Variants in ADCY2 observed in about 807,000 individuals in gnomAD.
ADCY2 encodes adenylate cyclase 2.
In ADCY2, 31 loss-of-function variants were observed where a neutral mutation model predicts 125.2. The ratio of observed to expected loss-of-function variants is 0.25; its 90% CI spans 0.19 to 0.33. The LOEUF (loss-of-function observed/expected upper bound fraction) is 0.33. Among genes scored for constraint, ADCY2 ranks in the 10% least tolerant of loss-of-function variants. ADCY2 has a pLI of 1.00. For missense variants in ADCY2, 904 were observed against 1,418.2 expected (o/e 0.64, Z 5.82); for synonymous variants, 512 against 548.4 (o/e 0.93, Z 0.93).
chr5:7,773,442 G>A (rs1007981255), intron 18 of ADCY2, among the ~76,000 whole-genome samples: 3 of 152,120 alleles, frequency 2.0e-5, no homozygotes, highest in Non-Finnish European at 4.4e-5. Context: ...CGTCCTGTGC[G>A]TGGTAGGTAG....
intron 4 of ADCY2, among the ~76,000 whole-genome samples, chr5:7,644,411 G>A (rs759888625): frequency 1.3e-5 from 2 of 151,970 alleles, no homozygotes; most frequent in African/African-American, 4.8e-5. Context: ...TGGAGACACC[G>A]TTTCTATTCC....
chr5:7,693,985 C>T (rs979706891), intron 5 of ADCY2, among the ~76,000 whole-genome samples: 1 of 152,198 alleles, frequency 6.6e-6, no homozygotes, highest in African/African-American at 2.4e-5. Context: ...CACCTGTGAT[C>T]CCTGCCACTA....
intron 1 of ADCY2, among the ~76,000 whole-genome samples, chr5:7,409,971 A>G (rs1378376717): frequency 6.6e-6 from 1 of 152,206 alleles, no homozygotes; most frequent in Non-Finnish European, 1.5e-5. Context: ...CTATCTATTT[A>G]TCTATATACA....
At position 7,827,042 on chromosome 5, in the gene ADCY2, C is replaced by T; in HGVS notation, c.*171C>T. On this transcript the variant is annotated 3_prime_UTR_variant, in exon 25 of 25. Transcript: ENST00000338316. ...TACCGTTTGGTGTCTGATGTGTGCC[C>T]AGATCGTTCTGCCACTTGCACTGTG... The T allele has an allele frequency of 1.3e-6, 1 of 783,646 alleles. No individual in the cohort carries two copies. The highest frequency in any genetic ancestry group is 2.0e-6 in the Non-Finnish European group (1 of 510,396). 48.5% of individuals were successfully genotyped at this position (783,646 alleles called of 1,614,324 possible). A position where few individuals can be genotyped will look rare whatever the true frequency, so the allele number is the denominator to read the frequency against.
intron 3 of ADCY2, among the ~76,000 whole-genome samples, chr5:7,539,059 C>T (rs1446212564): frequency 6.6e-6 from 1 of 151,868 alleles, no homozygotes; most frequent in Non-Finnish European, 1.5e-5. Flanking sequence ...GACAGGGTTT[C>T]ACCATGTTGG....
At chr5:7,414,849 T>A in intron 2 of ADCY2, 79 bp downstream of exon 2, 3 of 1,321,298 alleles carry the variant, frequency 2.3e-6, no homozygotes, top group East Asian at 2.6e-5. Context: ...AACTTGGCCT[T>A]AAACTTTGAA....
At chr5:7,607,955 C>G (rs1017685980) in intron 3 of ADCY2, among the ~76,000 whole-genome samples, 3 of 152,152 alleles carry the variant, frequency 2.0e-5, no homozygotes, top group African/African-American at 7.2e-5. Context: ...CATCCATCCT[C>G]TTGGGAGAGG....
chr5:7,747,760 ATTAC>A (rs1236926903), intron 15 of ADCY2, among the ~76,000 whole-genome samples: 2 of 152,158 alleles, frequency 1.3e-5, no homozygotes, highest in Non-Finnish European at 2.9e-5. Context: ...ATTTTGCGTT[ATTAC>A]TTTTATTCTT....
At chr5:7,469,263 T>G (rs1742242120) in intron 2 of ADCY2, among the ~76,000 whole-genome samples, 1 of 152,040 alleles carries the variant, frequency 6.6e-6, no homozygotes. Flanking sequence ...TAGTTTCTGC[T>G]TTATACAATA....
At chr5:7,744,923 A>G (rs1437536154) in intron 15 of ADCY2, among the ~76,000 whole-genome samples, 4 of 152,228 alleles carry the variant, frequency 2.6e-5, no homozygotes. Flanking sequence ...TCTGCTGGTT[A>G]GACTGTAACA....
At chr5:7,403,392 C>T (rs1338748143) in intron 1 of ADCY2, among the ~76,000 whole-genome samples, 1 of 152,080 alleles carries the variant, frequency 6.6e-6, no homozygotes, top group Non-Finnish European at 1.5e-5. Context: ...TGACTCTTTC[C>T]CATCATTGAC....
rs1278480225 is a variant in ADCY2, at chr5:7,589,502, G to GAA, written c.571-36663_571-36662dup. On this transcript the variant is annotated intron_variant, in intron 3 of 24. Coordinates refer to ENST00000338316, the MANE Select transcript of ADCY2 (RefSeq NM_020546.3). ...AGAAAGAAAGAAAGAAAGAAAGAAA[G>GAA]AAAGAAAGAAAAGAAAAGAAAGAGA... Among the ~76,000 whole-genome samples, 9 of 61,982 alleles carry GAA rather than the reference G, an allele frequency of 1.5e-4. No individual in the cohort carries two copies. The East Asian group carries it at 2.8e-3, about 19-fold the overall frequency. 40.7% of individuals were successfully genotyped at this position (61,982 alleles called of 152,430 possible). A position where few individuals can be genotyped will look rare whatever the true frequency, so the allele number is the denominator to read the frequency against.
At chr5:7,473,033 A>T (rs369493241) in intron 2 of ADCY2, among the ~76,000 whole-genome samples, 5 of 151,300 alleles carry the variant, frequency 3.3e-5, no homozygotes, top group South Asian at 4.2e-4. Flanking sequence ...AGTAATAGGC[A>T]GTCTCTGTGT....
At chr5:7,461,949 A>C (rs748965532) in intron 2 of ADCY2, among the ~76,000 whole-genome samples, 2 of 152,232 alleles carry the variant, frequency 1.3e-5, no homozygotes, top group Non-Finnish European at 1.5e-5. Context: ...AGTTTGCAAC[A>C]TTGTCAGAAT....
intron 2 of ADCY2, among the ~76,000 whole-genome samples, chr5:7,515,329 A>G (rs1349925943): frequency 2.0e-5 from 3 of 152,184 alleles, no homozygotes; most frequent in South Asian, 4.1e-4. Flanking sequence ...TGTTGTATCA[A>G]ACTCTTCAAA....
At chr5:7,408,984 G>A (rs1460462075) in intron 1 of ADCY2, among the ~76,000 whole-genome samples, 2 of 152,166 alleles carry the variant, frequency 1.3e-5, no homozygotes, top group Non-Finnish European at 2.9e-5. Flanking sequence ...CAACCTAAAT[G>A]CCCATCAATG....
intron 2 of ADCY2, among the ~76,000 whole-genome samples, chr5:7,520,362 G>A (rs992141543): frequency 6.6e-5 from 10 of 152,136 alleles, no homozygotes; most frequent in Non-Finnish European, 1.0e-4. Context: ...CGTCCCCGAT[G>A]ATGCCTGTCC....
At chr5:7,547,369 T>TG (rs538907589) in intron 3 of ADCY2, among the ~76,000 whole-genome samples, 37 of 152,318 alleles carry the variant, frequency 2.4e-4, no homozygotes, top group African/African-American at 8.7e-4. Flanking sequence ...GCACCAGGCC[T>TG]GGGTGGCATG....
chr5:7,772,849 G>A (rs1459785216), intron 17 of ADCY2, 83 bp from the exon 18 acceptor site: 1 of 1,356,826 alleles, frequency 7.4e-7, no homozygotes, highest in African/African-American at 1.4e-5. Flanking sequence ...AGATGAGATG[G>A]GCGGTGGTCC....
Sources: allele counts gnomAD v4.1 joint callset (sites outside exome capture counted in the v4.1 genomes callset), GRCh38; gene constraint gnomAD v4.1.1; transcripts MANE v1.5; gene names NCBI Gene and HGNC (gene_info 2026-07-23, HGNC 2026-07-21).